The following GRM5 variants were observed in gnomAD, a reference collection of about 807,000 sequenced individuals.
GRM5 encodes metabotropic glutamate receptor 5.
Under a neutral mutation model 83.1 loss-of-function variants are expected in GRM5, and 19 were observed. The observed-to-expected ratio is 0.23, with a 90% CI of 0.16 to 0.34. GRM5 has a LOEUF of 0.34. Among genes scored for constraint, GRM5 ranks in the 10% least tolerant of loss-of-function variants. The pLI is 1.00. For synonymous variants in GRM5, 675 were observed against 633.6 expected, an observed-to-expected ratio of 1.07 and a Z score of -0.98; for missense variants, 1,160 against 1,588.3, an observed-to-expected ratio of 0.73 and a Z score of 4.58.
At chr11:88,990,189 G>A (rs1035635631) in intron 2 of GRM5, among the ~76,000 whole-genome samples, 19 of 148,016 alleles carry the variant, frequency 1.3e-4, no homozygotes, top group South Asian at 2.2e-4. Flanking sequence ...TATCACCACC[G>A]ATCCCACAGA....
At chr11:88,927,884 A>G (rs992831152) in intron 2 of GRM5, among the ~76,000 whole-genome samples, 1 of 152,156 alleles carries the variant, frequency 6.6e-6, no homozygotes, top group African/African-American at 2.4e-5. Context: ...ATGATGATCA[A>G]GTGATCCTGG....
intron 3 of GRM5, among the ~76,000 whole-genome samples, chr11:88,834,711 A>G (rs1463180689): frequency 1.3e-5 from 2 of 152,196 alleles, no homozygotes; most frequent in African/African-American, 4.8e-5. Flanking sequence ...AGCCTCATAG[A>G]AAGTGCTCAT....
At chr11:88,985,497 T>A (rs1054157323) in intron 2 of GRM5, among the ~76,000 whole-genome samples, 3 of 152,112 alleles carry the variant, frequency 2.0e-5, no homozygotes, top group Admixed American at 1.3e-4. Flanking sequence ...ACTGATCTCA[T>A]GAAAACTCAT....
At chr11:88,821,875 C>T (rs1831470376) in intron 3 of GRM5, among the ~76,000 whole-genome samples, 1 of 152,138 alleles carries the variant, frequency 6.6e-6, no homozygotes, top group South Asian at 2.1e-4. Context: ...AAGAGCTAGG[C>T]CCTCAATACA....
chr11:89,034,718 A>C (rs1395666812), intron 2 of GRM5, among the ~76,000 whole-genome samples: 3 of 151,784 alleles, frequency 2.0e-5, no homozygotes, highest in Non-Finnish European at 3.0e-5. Flanking sequence ...TTTGCATTGA[A>C]ATGCAAATAT....
chr11:88,914,108 T>G (rs1345544500), intron 2 of GRM5, among the ~76,000 whole-genome samples: 1 of 152,190 alleles, frequency 6.6e-6, no homozygotes, highest in African/African-American at 2.4e-5. Context: ...TGTCTCTTAA[T>G]GTCTCCAGTT....
intron 3 of GRM5, among the ~76,000 whole-genome samples, chr11:88,725,436 G>T (rs905535116): frequency 6.6e-6 from 1 of 152,186 alleles, no homozygotes; most frequent in Non-Finnish European, 1.5e-5. Context: ...GCACCTGGGC[G>T]AAGGGGTGAC....
At chr11:88,527,085 A>G (rs1941896958) in intron 8 of GRM5, among the ~76,000 whole-genome samples, 1 of 152,184 alleles carries the variant, frequency 6.6e-6, no homozygotes, top group East Asian at 1.9e-4. Context: ...ATACCTTAGA[A>G]GTACCAATGG....
chr11:88,934,763 G>A (rs1255780753), intron 2 of GRM5, among the ~76,000 whole-genome samples: 1 of 151,636 alleles, frequency 6.6e-6, no homozygotes, highest in African/African-American at 2.4e-5. Flanking sequence ...ATAATGCAAT[G>A]GTTTTATATT....
At chr11:88,597,144 A>T in intron 6 of GRM5, 40 bp downstream of exon 6, 1 of 1,385,600 alleles carries the variant, frequency 7.2e-7, no homozygotes, top group Non-Finnish European at 9.8e-7. Context: ...ACACTGTTGA[A>T]TTTACAACAA....
At chr11:88,940,046 A>G (rs143533084) in intron 2 of GRM5, among the ~76,000 whole-genome samples, 5 of 151,952 alleles carry the variant, frequency 3.3e-5, no homozygotes, top group Admixed American at 6.6e-5. Context: ...ATATCATTCA[A>G]TGAAGCTTAC....
intron 2 of GRM5, among the ~76,000 whole-genome samples, chr11:89,001,815 A>G (rs1428719912): frequency 1.3e-5 from 2 of 152,190 alleles, no homozygotes; most frequent in Admixed American, 1.3e-4. Context: ...CTGGCTTATT[A>G]AAAATGTCAT....
chr11:88,623,438 C>T (rs1290762481), intron 4 of GRM5, among the ~76,000 whole-genome samples: 2 of 152,002 alleles, frequency 1.3e-5, no homozygotes, highest in Non-Finnish European at 2.9e-5. Flanking sequence ...CCAGAGACCA[C>T]TTATATTGTC....
At chr11:88,973,928 A>G (rs1001238029) in intron 2 of GRM5, among the ~76,000 whole-genome samples, 9 of 152,164 alleles carry the variant, frequency 5.9e-5, no homozygotes, top group African/African-American at 2.2e-4. Context: ...AGATTAAGTA[A>G]AGGTTAAAAG....
intron 2 of GRM5, among the ~76,000 whole-genome samples, chr11:88,952,505 G>A (rs1410052530): frequency 6.6e-6 from 1 of 152,086 alleles, no homozygotes; most frequent in East Asian, 1.9e-4. Flanking sequence ...TTGGTTGAAT[G>A]TTCTGATGCA....
chr11:88,671,783 G>A (rs1420140932), intron 3 of GRM5, among the ~76,000 whole-genome samples: 1 of 152,002 alleles, frequency 6.6e-6, no homozygotes, highest in East Asian at 1.9e-4. Context: ...GACTTGGAAT[G>A]AGCAAGCTGG....
At chr11:88,935,410 C>T (rs557548712) in intron 2 of GRM5, among the ~76,000 whole-genome samples, 7 of 151,912 alleles carry the variant, frequency 4.6e-5, no homozygotes, top group Admixed American at 6.6e-5. Context: ...TTACTGACTT[C>T]CTATTTTGCA....
chr11:88,642,062 T>C (rs1020979998), intron 4 of GRM5, among the ~76,000 whole-genome samples: 1 of 152,124 alleles, frequency 6.6e-6, no homozygotes, highest in African/African-American at 2.4e-5. Flanking sequence ...GGCTTCTGCT[T>C]GGGCACCCAG....
intron 1 of GRM5, among the ~76,000 whole-genome samples, chr11:89,050,519 A>C (rs1208482935): frequency 1.3e-5 from 2 of 152,214 alleles, no homozygotes; most frequent in African/African-American, 4.8e-5. Flanking sequence ...TTCTGTCTTT[A>C]GGTCTTTGAG....
Sources: allele counts gnomAD v4.1 joint callset (sites outside exome capture counted in the v4.1 genomes callset), GRCh38; gene constraint gnomAD v4.1.1; transcripts MANE v1.5; gene names NCBI Gene and HGNC (gene_info 2026-07-23, HGNC 2026-07-21).